The following MRPS31 variants were observed in gnomAD, a reference collection of about 807,000 sequenced individuals.
MRPS31 encodes mitochondrial ribosomal protein S31.
In MRPS31, 32 loss-of-function variants were observed where a neutral mutation model predicts 43.1. The observed-to-expected ratio is 0.74, with a 90% confidence interval of 0.56 to 1.00. MRPS31 has a LOEUF of 1.00. MRPS31 is among the 50% of genes least tolerant of loss of function. The pLI, the probability that MRPS31 is intolerant of heterozygous loss-of-function variation, is 0.00. For synonymous variants in MRPS31, 165 were observed against 161.6 expected, an observed-to-expected ratio of 1.02 and a Z score of -0.16; for missense variants, 437 against 466.7, an observed-to-expected ratio of 0.94 and a Z score of 0.59.
intron 2 of MRPS31, among the ~76,000 whole-genome samples, chr13:40,761,088 G>C (rs1019436542): frequency 4.6e-5 from 7 of 151,230 alleles, no homozygotes; most frequent in African/African-American, 1.7e-4. Context: ...ACCAGCCTGG[G>C]ATAGAGAAAA....
At chr13:40,744,624 C>A (rs563448029) in intron 6 of MRPS31, among the ~76,000 whole-genome samples, 2 of 151,538 alleles carry the variant, frequency 1.3e-5, no homozygotes, top group Non-Finnish European at 2.9e-5. Flanking sequence ...TGCAGTGGCG[C>A]GACCTCTGCC....
chr13:40,741,544 C>A (rs1374354610), intron 6 of MRPS31, among the ~76,000 whole-genome samples: 2 of 152,136 alleles, frequency 1.3e-5, no homozygotes, highest in Non-Finnish European at 2.9e-5. Flanking sequence ...CCACTGATAT[C>A]ATTTTTTACC....
intron 4 of MRPS31, among the ~76,000 whole-genome samples, chr13:40,755,571 T>C (rs1289551895): frequency 1.3e-5 from 2 of 152,150 alleles, no homozygotes; most frequent in African/African-American, 4.8e-5. Flanking sequence ...GTGCCAACAT[T>C]CTGAGGCAGG....
chr13:40,748,399 C>T (rs1167403244), intron 6 of MRPS31, among the ~76,000 whole-genome samples: 4 of 152,202 alleles, frequency 2.6e-5, no homozygotes, highest in East Asian at 1.9e-4. Flanking sequence ...TCAGGCGATC[C>T]GCCCGCCTCA....
At position 40,756,888 on chromosome 13, in the gene MRPS31, T is replaced by G; in HGVS notation, c.725A>C (p.Asp242Ala). Reference sequence around the variant, plus strand: ...AGCCTGATACCTTTTTTTAAGATCATCCGTCTTCTCCTGGCCAGGATAATT... The same window carrying G: ...AGCCTGATACCTTTTTTTAAGATCAGCCGTCTTCTCCTGGCCAGGATAATT... Reference protein sequence around the residue: ...YDNYPGQEKTDDLKKRKNIFT... With the variant: ...YDNYPGQEKTADLKKRKNIFT... The change falls in exon 4 of 7, where the codon GAT becomes GCT. Residue 242 changes from aspartate to alanine, a missense_variant. By Grantham distance (126) the Asp-to-Ala change is moderately radical. Coordinates refer to ENST00000323563, the MANE Select transcript of MRPS31 (RefSeq NM_005830.4). 1 of 1,613,236 alleles carries G rather than the reference T, an allele frequency of 6.2e-7. No individual in the cohort carries two copies. The highest frequency in any genetic ancestry group is 8.5e-7 in the Non-Finnish European group (1 of 1,179,810).
intron 5 of MRPS31, among the ~76,000 whole-genome samples, chr13:40,753,094 T>C (rs905472745): frequency 3.9e-5 from 6 of 152,186 alleles, no homozygotes; most frequent in Admixed American, 2.6e-4. Context: ...TTGTATTAAG[T>C]TTCTTCATTT....
At chr13:40,746,773 A>AC in intron 6 of MRPS31, among the ~76,000 whole-genome samples, 1 of 152,366 alleles carries the variant, frequency 6.6e-6, no homozygotes, top group East Asian at 1.9e-4. Context: ...ATTTTGAAAA[A>AC]TAAAATGTTA....
At chr13:40,753,551 T>C (rs1293226457) in intron 5 of MRPS31, among the ~76,000 whole-genome samples, 1 of 152,182 alleles carries the variant, frequency 6.6e-6, no homozygotes, top group Non-Finnish European at 1.5e-5. Flanking sequence ...TGTGTGTTGC[T>C]TGGATCCTGA....
chr13:40,760,689 A>G (rs1000826088), intron 2 of MRPS31, among the ~76,000 whole-genome samples: 4 of 151,040 alleles, frequency 2.6e-5, no homozygotes, highest in Non-Finnish European at 5.9e-5. Context: ...TCTGGCTTCA[A>G]AGTCCTGGGT....
chr13:40,757,984 T>C (rs1479077921), intron 3 of MRPS31, among the ~76,000 whole-genome samples: 2 of 151,040 alleles, frequency 1.3e-5, no homozygotes, highest in Non-Finnish European at 3.0e-5. Flanking sequence ...CTACTAAAAA[T>C]ACAAAAAAAT....
rs1879593218 is a variant in MRPS31 at position 40,729,334 on chromosome 13, T to C, written c.*38A>G. On this transcript the variant is annotated 3_prime_UTR_variant, in exon 7 of 7. Coordinates refer to ENST00000323563, the MANE Select transcript of MRPS31 (RefSeq NM_005830.4). ...AAAATTATTTTATTTAGTTGTAATA[T>C]CCATCTCTAATTGTTTGAAATAAAA... 1 of 981,690 alleles carries C rather than the reference T, an allele frequency of 1.0e-6. No homozygotes were observed. The highest frequency in any genetic ancestry group is 1.6e-5 in the African/African-American group (1 of 60,814). 60.8% of individuals were successfully genotyped at this position (981,690 alleles called of 1,614,324 possible). A position where few individuals can be genotyped will look rare whatever the true frequency, so the allele number is the denominator to read the frequency against.
rs751874392 is a variant in MRPS31 at position 40,766,931 on chromosome 13, T to C, written c.255A>G (p.Ser85=). 2 of 1,614,156 alleles carry C rather than the reference T, an allele frequency of 1.2e-6. No individual in the cohort carries two copies. Among genetic ancestry groups the C allele is most frequent in the Non-Finnish European group, 1.7e-6 (2 of 1,180,016 alleles). ...VRTEETSKET[S]ESQDSEKENT... ...TTTCCTTTTCACTGTCTTGGCTCTC[T>C]GAAGTCTCCTTGGAAGTCTCCTCAG... The change falls in exon 2 of 7, where the codon TCA becomes TCG. Residue 85 remains serine (S), a synonymous_variant. Coordinates refer to ENST00000323563, the MANE Select transcript of MRPS31 (RefSeq NM_005830.4).
chr13:40,750,767 T>C (rs997675676), intron 5 of MRPS31, among the ~76,000 whole-genome samples: 2 of 146,260 alleles, frequency 1.4e-5, no homozygotes, highest in Non-Finnish European at 3.0e-5. Flanking sequence ...TATATATATA[T>C]ATATATTACA....
intron 2 of MRPS31, among the ~76,000 whole-genome samples, chr13:40,761,088 G>A (rs1019436542): frequency 6.6e-6 from 1 of 151,230 alleles, no homozygotes; most frequent in African/African-American, 2.4e-5. Context: ...ACCAGCCTGG[G>A]ATAGAGAAAA....
At chr13:40,745,393 C>T (rs1365269685) in intron 6 of MRPS31, among the ~76,000 whole-genome samples, 1 of 152,104 alleles carries the variant, frequency 6.6e-6, no homozygotes, top group Non-Finnish European at 1.5e-5. Context: ...GCTGGGATTA[C>T]AGGCATGTGC....
At chr13:40,762,124 T>C (rs190498678) in intron 2 of MRPS31, among the ~76,000 whole-genome samples, 23 of 150,366 alleles carry the variant, frequency 1.5e-4, no homozygotes, top group Admixed American at 1.3e-3. Context: ...TGCATGTCTG[T>C]AGTCCTAGCT....
At chr13:40,759,204 G>C in intron 2 of MRPS31, 98 bp from the exon 3 acceptor site, 1 of 858,038 alleles carries the variant, frequency 1.2e-6, no homozygotes, top group East Asian at 3.0e-5. Flanking sequence ...TTGGGAAGCC[G>C]AGGCAGACAG....
At chr13:40,749,405 T>C (rs1880327905) in intron 5 of MRPS31, 124 bp from the exon 6 acceptor site, 2 of 629,572 alleles carry the variant, frequency 3.2e-6, no homozygotes, top group South Asian at 6.3e-5. Flanking sequence ...AAATAGTATA[T>C]AATAAAAAGT....
At chr13:40,750,742 T>TTATA (rs66521234) in intron 5 of MRPS31, among the ~76,000 whole-genome samples, 8,625 of 130,472 alleles carry the variant, frequency 0.066, 327 homozygotes, top group Middle Eastern at 0.12. Flanking sequence ...GTATCCCATT[T>TTATA]TATATATATA....
Sources: gnomAD v4.1 joint callset for allele counts (sites outside exome capture counted in the v4.1 genomes callset) on GRCh38, gnomAD v4.1.1 for gene constraint, MANE v1.5 for transcripts, NCBI Gene and HGNC (gene_info 2026-07-23, HGNC 2026-07-21) for gene names.